Variants in CALB2 observed in about 807,000 individuals in gnomAD.
CALB2 encodes the protein calretinin.
Under a neutral mutation model 45.9 loss-of-function variants are expected in CALB2, and 34 were observed. The ratio of observed to expected loss-of-function variants is 0.74; its 90% CI spans 0.56 to 0.99. The LOEUF is 0.99. Ranked by LOEUF, CALB2 falls within the 50% of genes least tolerant of loss-of-function variation. CALB2 has a pLI of 0.00. For missense variants in CALB2, 344 were observed against 339.3 expected (o/e 1.01, Z -0.11); for synonymous variants, 142 against 129.6 (o/e 1.10, Z -0.65).
chr16:71,373,694 C>T (rs2042379236), intron 2 of CALB2, among the ~76,000 whole-genome samples: 1 of 152,094 alleles, frequency 6.6e-6, no homozygotes, highest in African/African-American at 2.4e-5. Context: ...TTACTGGGTG[C>T]CCTCTAGAGA....
intron 2 of CALB2, 51 bp from the exon 3 acceptor site, chr16:71,374,694 G>A: frequency 8.0e-7 from 1 of 1,252,680 alleles, no homozygotes. Flanking sequence ...CTGAGATCAT[G>A]GTTCACATGA....
At chr16:71,385,797 G>T in intron 10 of CALB2, 149 bp downstream of exon 10, 5 of 590,130 alleles carry the variant, frequency 8.5e-6, no homozygotes, top group East Asian at 2.9e-5. Context: ...GTTTGCTTTT[G>T]GTTTTTTGAT....
intron 1 of CALB2, among the ~76,000 whole-genome samples, chr16:71,366,190 C>G (rs1029644004): frequency 1.3e-5 from 2 of 150,606 alleles, no homozygotes; most frequent in African/African-American, 4.9e-5. Flanking sequence ...CCACGCCCGG[C>G]TAATTTTTTG....
intron 2 of CALB2, among the ~76,000 whole-genome samples, chr16:71,372,965 T>C (rs1598164976): frequency 6.6e-6 from 1 of 152,206 alleles, no homozygotes; most frequent in East Asian, 1.9e-4. Flanking sequence ...CACGACCTTC[T>C]GAGCCTGCCC....
In CALB2 at chr16:71,358,726, G is replaced by A. The variant is rs1044429101; in HGVS notation, c.-67G>A. 93 of 1,275,876 alleles carry A rather than the reference G, an allele frequency of 7.3e-5. No individual in the cohort carries two copies. The highest frequency in any genetic ancestry group is 2.7e-4 in the African/African-American group (18 of 67,792). 79.0% of individuals were successfully genotyped at this position (1,275,876 alleles called of 1,614,324 possible). A position where few individuals can be genotyped will look rare whatever the true frequency, so the allele number is the denominator to read the frequency against. ...GGGCAGCGTGGCGCACAACCCCAGC[G>A]CGAGTGCCAGAGCCCAGCCGGCGCG... On this transcript the variant is annotated 5_prime_UTR_variant, in exon 1 of 11. Coordinates refer to ENST00000302628, the MANE Select transcript of CALB2 (RefSeq NM_001740.5).
At position 71,366,344 on chromosome 16, in the gene CALB2, TGAG is replaced by T. The variant is rs1312416778; in HGVS notation, c.95-5808_95-5806del. Among the ~76,000 whole-genome samples, 85 of 38,834 alleles carry T rather than the reference TGAG, an allele frequency of 2.2e-3. 1 individual carries two copies. Among genetic ancestry groups the T allele is most frequent in the Admixed American group, 3.3e-3 (7 of 2,136 alleles). 25.5% of individuals were successfully genotyped at this position (38,834 alleles called of 152,430 possible). A position where few individuals can be genotyped will look rare whatever the true frequency, so the allele number is the denominator to read the frequency against. ...CTGGCCTTTTTTTTTTTTTTTTTTT[TGAG>T]AGAGAGAGAGTCTCGCCTTGTCACC... On this transcript the variant is annotated intron_variant, in intron 1 of 10. Coordinates refer to ENST00000302628, the MANE Select transcript of CALB2 (RefSeq NM_001740.5).
Position 71,385,603 on chromosome 16 carries a change from T to A in CALB2, c.654T>A (p.His218Gln). 6.2e-7 allele frequency: 1 copy of A among 1,614,046 alleles called. No individual in the cohort carries two copies. The highest frequency in any genetic ancestry group is 8.5e-7 in the Non-Finnish European group (1 of 1,179,998). ...ATAGAAGCGGCTACATTGACGAGCA[T>A]GAGCTGGATGCCCTTTTGAAGGATC... Reference protein sequence around the residue: ...DKDRSGYIDEHELDALLKDLY... With the variant: ...DKDRSGYIDEQELDALLKDLY... The change falls in exon 10 of 11, where the codon CAT becomes CAA. Residue 218 changes from histidine (H) to glutamine (Q), a missense_variant. This residue lies in a region of CALB2 where 263 missense variants were observed against 241.7 expected (regional missense o/e 1.09). Coordinates refer to ENST00000302628, the MANE Select transcript of CALB2 (RefSeq NM_001740.5).
chr16:71,371,414 A>C (rs1322096888), intron 1 of CALB2, among the ~76,000 whole-genome samples: 1 of 152,178 alleles, frequency 6.6e-6, no homozygotes, highest in African/African-American at 2.4e-5. Context: ...GACTTAACAC[A>C]ACAGAAATGT....
rs1424162989 is a variant in CALB2, at chr16:71,384,119, G to A, written c.533+94G>A. On this transcript the variant is annotated intron_variant, in intron 7 of 10. Transcript: ENST00000302628. ...AGATCCATTGGTGGGAAAGTGACAG[G>A]TGCGGGTGTCAAGAAGCTCAAGACA... 2.2e-6 allele frequency: 3 copies of A among 1,378,688 alleles called. No individual in the cohort carries two copies. In the African/African-American group the frequency reaches 4.3e-5, roughly 20 times the overall value. The allele number at this position is 1,378,688 out of a possible 1,614,324, so 85.4% of individuals were successfully genotyped here. A position where few individuals can be genotyped will look rare whatever the true frequency, so the allele number is the denominator to read the frequency against.
Position 71,389,787 on chromosome 16 carries a change from C to G in CALB2, c.738C>G (p.Ser246Arg), listed in dbSNP as rs763786236. 4 of 1,613,994 alleles carry G rather than the reference C, an allele frequency of 2.5e-6. No homozygotes were observed. Among genetic ancestry groups the G allele is most frequent in the Non-Finnish European group, 3.4e-6 (4 of 1,179,916 alleles). Residue 246 changes from serine to arginine, a missense_variant, in exon 11 of 11, where the codon AGC becomes AGG. Physicochemically the swap from Ser to Arg is moderately radical, Grantham distance 110 (BLOSUM62 -1). Around this residue, in one of 3 missense-constraint regions of CALB2, gnomAD observed 263 missense variants for 241.7 expected, o/e 1.09. Transcript: ENST00000302628. ...NIQQLTNYRK[S>R]VMSLAEAGKL... is the part of the protein sequence containing the mutation. ...AACAGCTCACCAACTACAGAAAGAG[C>G]GTCATGTCCTTGGCAGAGGCAGGGA...
chr16:71,389,906 G>C lies in CALB2; in HGVS notation c.*41G>C. The C allele has an allele frequency of 1.4e-6, 2 of 1,421,624 alleles. No homozygotes were observed. Among genetic ancestry groups the C allele is most frequent in the East Asian group, 2.3e-5 (1 of 43,854 alleles). 88.1% of individuals were successfully genotyped at this position (1,421,624 alleles called of 1,614,324 possible). A position where few individuals can be genotyped will look rare whatever the true frequency, so the allele number is the denominator to read the frequency against. ...TGCTTCTCCACCTCCCCCAAACCCTGCTTCTGCTGCCCTGATGCGTCTACC... is the reference window on the plus strand; with the variant it reads ...TGCTTCTCCACCTCCCCCAAACCCTCCTTCTGCTGCCCTGATGCGTCTACC... On this transcript the variant is annotated 3_prime_UTR_variant, in exon 11 of 11. Coordinates refer to ENST00000302628, the MANE Select transcript of CALB2 (RefSeq NM_001740.5).
chr16:71,365,289 G>A (rs11643053), intron 1 of CALB2, among the ~76,000 whole-genome samples: 38,356 of 152,074 alleles, frequency 0.25, 5,334 homozygotes, highest in South Asian at 0.39. Context: ...AGGAAGGTGC[G>A]AACCTTCCCT....
At chr16:71,382,880 T>A in intron 5 of CALB2, 105 bp downstream of exon 5, 1 of 1,000,358 alleles carries the variant, frequency 1.0e-6, no homozygotes, top group Admixed American at 2.4e-5. Context: ...GCGGGCTGCT[T>A]AGGAATACTC....
intron 3 of CALB2, among the ~76,000 whole-genome samples, chr16:71,375,428 G>A (rs571821084): frequency 1.4e-4 from 21 of 152,206 alleles, no homozygotes; most frequent in African/African-American, 4.6e-4. Context: ...AGTGCTGGCC[G>A]GACTCCGTGG....
chr16:71,365,780 T>A (rs962940354), intron 1 of CALB2, among the ~76,000 whole-genome samples: 1 of 152,014 alleles, frequency 6.6e-6, no homozygotes. Context: ...ACTTTTTATG[T>A]ACCCTAAAGT....
Position 71,372,179 on chromosome 16 carries a change from C to T in CALB2, c.121C>T (p.Leu41=), listed in dbSNP as rs144256851. 9.9e-6 allele frequency: 16 copies of T among 1,611,778 alleles called. 1 individual carries two copies. In the African/African-American group the frequency reaches 2.0e-4, roughly 20 times the overall value. Residue 41 remains leucine, a synonymous_variant, in exon 2 of 11, where the codon CTA becomes TTA. Transcript: ENST00000302628. The part of the protein sequence containing the change: ...DGNGYIEGKE[L]ENFFQELEKA... ...AAATGGGTATATTGAAGGTAAAGAG[C>T]TAGAAAACTTTTTCCAAGAGCTGGA...
chr16:71,370,064 T>C (rs1403465125), intron 1 of CALB2, among the ~76,000 whole-genome samples: 2 of 152,186 alleles, frequency 1.3e-5, no homozygotes, highest in African/African-American at 2.4e-5. Context: ...CATCCTAGGA[T>C]AAAAGGGAAC....
At chr16:71,387,087 G>A (rs2042578820) in intron 10 of CALB2, among the ~76,000 whole-genome samples, 1 of 152,158 alleles carries the variant, frequency 6.6e-6, no homozygotes, top group South Asian at 2.1e-4. Flanking sequence ...GTATGAATGA[G>A]GCATAGTTTG....
At chr16:71,381,397 CCT>C (rs1408769142) in intron 4 of CALB2, among the ~76,000 whole-genome samples, 6 of 137,294 alleles carry the variant, frequency 4.4e-5, no homozygotes, top group African/African-American at 1.7e-4. Context: ...GGGATTTGCT[CCT>C]GTCTTGTGAC....
Sources: gnomAD v4.1 joint callset for allele counts (sites outside exome capture counted in the v4.1 genomes callset) on GRCh38, gnomAD v4.1.1 for gene constraint, gnomAD v4.1.1 regional missense constraint, MANE v1.5 for transcripts, NCBI Gene and HGNC (gene_info 2026-07-23, HGNC 2026-07-21) for gene names.